The following SLC29A2 variants were observed in gnomAD, a reference collection of about 807,000 sequenced individuals.
SLC29A2 encodes solute carrier family 29 member 2, also known as equilibrative nucleoside transporter 2.
In SLC29A2, 37 loss-of-function variants were observed where a neutral mutation model predicts 48.8. The ratio of observed to expected loss-of-function variants is 0.76; its 90% CI spans 0.58 to 1.00. The LOEUF (loss-of-function observed/expected upper bound fraction) is 1.00, where lower values mean the gene tolerates loss of function less well. Ranked by LOEUF, SLC29A2 falls within the 50% of genes least tolerant of loss-of-function variation. SLC29A2 has a pLI of 0.00. For missense variants in SLC29A2, 533 were observed against 578.6 expected (o/e 0.92, Z 0.81); for synonymous variants, 233 against 261.7 (o/e 0.89, Z 1.06).
At chr11:66,365,804 C>A (rs567949192) in intron 10 of SLC29A2, 132 bp downstream of exon 10, 1 of 861,434 alleles carries the variant, frequency 1.2e-6, no homozygotes, top group South Asian at 1.4e-5. Context: ...CCCAAGTGCT[C>A]CCTGCTGCTT....
At chr11:66,367,058 G>A (rs1424517707) in intron 7 of SLC29A2, among the ~76,000 whole-genome samples, 6 of 152,220 alleles carry the variant, frequency 3.9e-5, no homozygotes, top group South Asian at 2.1e-4. Context: ...ACCAGGAAGC[G>A]CGTGCATGGG....
chr11:66,370,068 C>G (rs1199997098), intron 2 of SLC29A2, among the ~76,000 whole-genome samples: 1 of 152,248 alleles, frequency 6.6e-6, no homozygotes, highest in Non-Finnish European at 1.5e-5. Flanking sequence ...CTGCTCCATC[C>G]TGCTAAGCTC....
intron 7 of SLC29A2, 48 bp from the exon 8 acceptor site, chr11:66,366,612 C>T (rs752433056): frequency 5.6e-6 from 9 of 1,603,822 alleles, no homozygotes. Flanking sequence ...ACCCAGGTTT[C>T]CCGACAGCCA....
chr11:66,364,511 T>TC (rs1254374604), intron 10 of SLC29A2, 87 bp from the exon 11 acceptor site: 1 of 1,007,506 alleles, frequency 9.9e-7, no homozygotes, highest in African/African-American at 1.6e-5. Flanking sequence ...TACTTTTTTT[T>TC]TTTTTTTTTT....
intron 2 of SLC29A2, among the ~76,000 whole-genome samples, chr11:66,370,253 C>A (rs1228558303): frequency 2.6e-5 from 4 of 152,236 alleles, no homozygotes; most frequent in Admixed American, 1.3e-4. Context: ...GCAGAAGGAA[C>A]TTTCTCCCTC....
chr11:66,367,324 A>G, intron 7 of SLC29A2, 140 bp downstream of exon 7: 1 of 771,326 alleles, frequency 1.3e-6, no homozygotes. Context: ...AATCCTACCA[A>G]CTTCCCTTCA....
intron 2 of SLC29A2, among the ~76,000 whole-genome samples, chr11:66,370,660 A>C (rs1212688945): frequency 6.6e-6 from 1 of 152,132 alleles, no homozygotes; most frequent in African/African-American, 2.4e-5. Context: ...GATCGAGACC[A>C]TCCTGGCTAA....
At chr11:66,363,825 T>C in intron 11 of SLC29A2, 1 of 536,392 alleles carries the variant, frequency 1.9e-6, no homozygotes, top group Non-Finnish European at 3.4e-6. Flanking sequence ...CTTCATTCTC[T>C]CTGGATTCTC....
Position 66,364,196 on chromosome 11 carries a change from GCCCCCCACCCCAC to G in SLC29A2, c.1259+16_1259+28del. On this transcript the variant is annotated intron_variant, in intron 11 of 11. Coordinates refer to ENST00000357440, the MANE Select transcript of SLC29A2 (RefSeq NM_001532.3). Reference sequence around the variant, plus strand: ...GACTGAACCCACCTCCCTACTCCCAGCCCCCCACCCCACCCCATTGCCCCGGACCTGGGCGCCA... The same window carrying G: ...GACTGAACCCACCTCCCTACTCCCAGCCCATTGCCCCGGACCTGGGCGCCA... 7.1e-7 allele frequency: 1 copy of G among 1,406,946 alleles called. No homozygotes were observed. Among genetic ancestry groups the G allele is most frequent in the Non-Finnish European group, 9.9e-7 (1 of 1,012,360 alleles). The allele number at this position is 1,406,946 out of a possible 1,614,324, so 87.2% of individuals were successfully genotyped here.
intron 11 of SLC29A2, 108 bp downstream of exon 11, chr11:66,364,117 G>C: frequency 1.1e-6 from 1 of 947,574 alleles, no homozygotes. Flanking sequence ...CTAGGGTTGG[G>C]CTGGCCAGAA....
intron 2 of SLC29A2, among the ~76,000 whole-genome samples, chr11:66,370,566 T>C (rs1358756094): frequency 1.3e-5 from 2 of 152,156 alleles, no homozygotes; most frequent in Admixed American, 1.3e-4. Flanking sequence ...ATTAAAAGTT[T>C]GTTGAATGAG....
intron 3 of SLC29A2, 25 bp downstream of exon 3, chr11:66,369,344 G>A (rs754772905): frequency 4.3e-6 from 7 of 1,613,362 alleles, no homozygotes; most frequent in East Asian, 2.2e-5. Context: ...GGCAGAGGGC[G>A]CAGGAGCCAG....
Position 66,371,697 on chromosome 11 carries a change from C to G in SLC29A2, c.-106G>C. On this transcript the variant is annotated 5_prime_UTR_variant, in exon 1 of 12. Coordinates refer to ENST00000357440, the MANE Select transcript of SLC29A2 (RefSeq NM_001532.3). ...CCGGTGGGGCGGGGGGCGGGTCTCC[C>G]CAGATTCCGGTGCAGGGCGGCTGGA... 8.4e-7 allele frequency: 1 copy of G among 1,191,614 alleles called. No homozygotes were observed. The highest frequency in any genetic ancestry group is 1.2e-6 in the Non-Finnish European group (1 of 853,958). 73.8% of individuals were successfully genotyped at this position (1,191,614 alleles called of 1,614,324 possible).
chr11:66,367,256 C>T (rs1050056124), intron 7 of SLC29A2, among the ~76,000 whole-genome samples: 20 of 152,172 alleles, frequency 1.3e-4, no homozygotes, highest in South Asian at 2.1e-4. Context: ...GAACCTCTGT[C>T]GCCTCCCCAT....
intron 11 of SLC29A2, 92 bp from the exon 12 acceptor site, chr11:66,363,639 G>A (rs768529435): frequency 2.1e-5 from 19 of 918,758 alleles, no homozygotes; most frequent in Non-Finnish European, 3.3e-5. Flanking sequence ...TCTGGGCTCT[G>A]ACCCAACCCC....
Position 66,366,455 on chromosome 11 carries a change from A to C in SLC29A2, c.843T>G (p.Pro281=), listed in dbSNP as rs1326721434. Reference sequence around the variant, plus strand: ...CCTTCTGGAAGACAGTGAAGACTGAAGGTTTTCCTGGCTTCTGGGGCTCAT... The same window carrying C: ...CCTTCTGGAAGACAGTGAAGACTGACGGTTTTCCTGGCTTCTGGGGCTCAT... ...EPDEPQKPGK[P]SVFTVFQKIW... The change falls in exon 8 of 12, where the codon CCT becomes CCG. Residue 281 remains proline (P), a synonymous_variant. Coordinates refer to ENST00000357440, the MANE Select transcript of SLC29A2 (RefSeq NM_001532.3). The C allele has an allele frequency of 6.2e-7, 1 of 1,614,190 alleles. No homozygotes were observed. The highest frequency in any genetic ancestry group is 1.7e-5 in the Admixed American group (1 of 60,022).
chr11:66,367,369 G>C (rs1252081243), intron 7 of SLC29A2, 95 bp downstream of exon 7: 2 of 1,013,016 alleles, frequency 2.0e-6, no homozygotes, highest in Admixed American at 3.4e-5. Context: ...ACTAGGGGTG[G>C]GCTCTGGCTG....
chr11:66,368,473 T>C (rs1855834733), intron 5 of SLC29A2, 64 bp downstream of exon 5: 1 of 1,604,734 alleles, frequency 6.2e-7, no homozygotes, highest in Non-Finnish European at 8.5e-7. Flanking sequence ...TGCTCTCACA[T>C]GCCCTCTCTC....
At chr11:66,371,395 C>T in intron 1 of SLC29A2, 70 bp from the exon 2 acceptor site, 1 of 1,568,038 alleles carries the variant, frequency 6.4e-7, no homozygotes, top group Non-Finnish European at 8.8e-7. Context: ...CCTCCCAGGC[C>T]ACCCCCTCCG....
Sources: gnomAD v4.1 joint callset for allele counts (sites outside exome capture counted in the v4.1 genomes callset) on GRCh38, gnomAD v4.1.1 for gene constraint, MANE v1.5 for transcripts, NCBI Gene and HGNC (gene_info 2026-07-23, HGNC 2026-07-21) for gene names.